CUBN: variants seen among roughly 807,000 people sequenced by gnomAD.
The protein encoded by CUBN is cubilin.
In CUBN, 282 loss-of-function variants were observed where a neutral mutation model predicts 405.3. That is an observed-to-expected ratio of 0.70 (90% CI 0.63 to 0.77). The LOEUF (loss-of-function observed/expected upper bound fraction) is 0.77. Among genes scored for constraint, CUBN ranks in the 30% least tolerant of loss-of-function variants. CUBN has a pLI of 0.00. For missense variants in CUBN, 4,514 were observed against 4,475.2 expected (o/e 1.01, Z -0.25); for synonymous variants, 1,684 against 1,617.0 (o/e 1.04, Z -0.99).
chr10:17,033,298 C>T (rs1198654799), intron 27 of CUBN, among the ~76,000 whole-genome samples: 2 of 152,162 alleles, frequency 1.3e-5, no homozygotes, highest in East Asian at 3.9e-4. Flanking sequence ...TCCTGACCCA[C>T]AAAGGAGCTC....
At chr10:16,935,859 G>A (rs561153980) in intron 39 of CUBN, among the ~76,000 whole-genome samples, 14 of 112,148 alleles carry the variant, frequency 1.2e-4, no homozygotes, top group South Asian at 5.7e-4. Flanking sequence ...CAGCCTGGGC[G>A]ACAGAGCGAG....
intron 3 of CUBN, among the ~76,000 whole-genome samples, chr10:17,127,498 C>T (rs1051056525): frequency 1.5e-5 from 2 of 135,976 alleles, no homozygotes; most frequent in African/African-American, 5.5e-5. Context: ...TGGTCTCAAA[C>T]TCCTAGGCTC....
intron 27 of CUBN, among the ~76,000 whole-genome samples, chr10:17,027,218 G>T (rs1461169415): frequency 1.3e-5 from 2 of 152,132 alleles, no homozygotes; most frequent in East Asian, 3.8e-4. Flanking sequence ...TAACTACAAA[G>T]ATACTTATCT....
At chr10:16,919,871 T>C in intron 44 of CUBN, 92 bp downstream of exon 44, 1 of 1,299,690 alleles carries the variant, frequency 7.7e-7, no homozygotes. Flanking sequence ...CCTTGCAGTA[T>C]GTGCTACTGA....
In CUBN at chr10:16,852,708, A is replaced by G. The variant is rs1037894173; in HGVS notation, c.9455-1265T>C. ...AAAAATCCAGTTTTATACAAAATCA[A>G]GTACTTTGCATAATAAAGCTGGTGG... On this transcript the variant is annotated intron_variant, in intron 59 of 66. Coordinates refer to ENST00000377833, the MANE Select transcript of CUBN (RefSeq NM_001081.4). 2.6e-5 allele frequency among the ~76,000 whole-genome samples: 4 copies of G among 152,356 alleles called. No individual in the cohort carries two copies. The South Asian group carries it at 8.3e-4, about 32-fold the overall frequency.
chr10:16,983,576 G>A (rs7077904), intron 30 of CUBN, among the ~76,000 whole-genome samples: 3,815 of 152,272 alleles, frequency 0.025, 155 homozygotes, highest in African/African-American at 0.087. Flanking sequence ...TAAGCATTCT[G>A]CAAATGTGGC....
chr10:17,098,716 A>T (rs1836431285), intron 14 of CUBN, among the ~76,000 whole-genome samples: 1 of 152,252 alleles, frequency 6.6e-6, no homozygotes, highest in Non-Finnish European at 1.5e-5. Context: ...ATGATGAGTG[A>T]ATTTAACAAT....
At chr10:17,111,604 A>T (rs1285153536) in intron 8 of CUBN, among the ~76,000 whole-genome samples, 1 of 152,232 alleles carries the variant, frequency 6.6e-6, no homozygotes, top group Non-Finnish European at 1.5e-5. Flanking sequence ...ACACATTGAA[A>T]GAATTTTTGT....
intron 4 of CUBN, among the ~76,000 whole-genome samples, chr10:17,124,832 G>T (rs1837136234): frequency 6.6e-6 from 1 of 150,928 alleles, no homozygotes; most frequent in African/African-American, 2.4e-5. Context: ...TCGTTGTTTT[G>T]TTTGTTTGTT....
intron 27 of CUBN, chr10:17,023,753 TAAGA>T (rs1217093015): frequency 2.7e-6 from 1 of 374,632 alleles, no homozygotes; most frequent in East Asian, 7.4e-5. Context: ...TAGTAAAAAC[TAAGA>T]AAGATTGCGA....
At chr10:17,027,399 T>G (rs1834696385) in intron 27 of CUBN, among the ~76,000 whole-genome samples, 1 of 152,200 alleles carries the variant, frequency 6.6e-6, no homozygotes, top group Non-Finnish European at 1.5e-5. Flanking sequence ...TGGGTTAGTA[T>G]GTACTGAATA....
At chr10:17,114,430 GA>G (rs1188946690) in intron 7 of CUBN, among the ~76,000 whole-genome samples, 1 of 152,138 alleles carries the variant, frequency 6.6e-6, no homozygotes, top group African/African-American at 2.4e-5. Context: ...GCCAGGGAAA[GA>G]GTAACAACAA....
chr10:17,114,188 G>A lies in CUBN; in HGVS notation c.722C>T (p.Pro241Leu), dbSNP rs1425715051. Residue 241 changes from proline (P) to leucine (L), a missense_variant and splice_region_variant, in exon 8 of 67, where the codon CCC becomes CTC. Coordinates refer to ENST00000377833, the MANE Select transcript of CUBN (RefSeq NM_001081.4). ...AGCATCACAGACGCAGCTGTACTTG[G>A]GCTGGCAGGATGACAACAGCGTGAA... is the stretch of plus-strand genomic sequence containing the variant. ...EDLMREQAGE[P>L]KYSCVCDAGW... 5 of 1,613,732 alleles carry A rather than the reference G, an allele frequency of 3.1e-6. No individual in the cohort carries two copies. Among genetic ancestry groups the A allele is most frequent in the Admixed American group, 1.7e-5 (1 of 59,976 alleles).
intron 27 of CUBN, among the ~76,000 whole-genome samples, chr10:17,026,959 T>C (rs1337903941): frequency 6.6e-6 from 1 of 152,236 alleles, no homozygotes; most frequent in Non-Finnish European, 1.5e-5. Flanking sequence ...ACTCATAATG[T>C]TGGGCTTTGC....
intron 22 of CUBN, among the ~76,000 whole-genome samples, chr10:17,059,851 A>G (rs909347124): frequency 1.3e-5 from 2 of 152,214 alleles, no homozygotes; most frequent in African/African-American, 4.8e-5. Context: ...GTCCTTGGAT[A>G]TTGAGAATCA....
chr10:16,825,628 AGTGTGTGTGTGTGTGTGTGTGTGT>A (rs377156071), intron 66 of CUBN, among the ~76,000 whole-genome samples: 4 of 135,926 alleles, frequency 2.9e-5, no homozygotes, highest in Non-Finnish European at 6.3e-5. Flanking sequence ...TCTGTGGAAC[AGTGTGTGTGTGTGTGTGTGTGTGT>A]GTGTGTGTGT....
intron 56 of CUBN, among the ~76,000 whole-genome samples, chr10:16,882,286 A>G (rs1463729582): frequency 2.6e-5 from 4 of 152,244 alleles, no homozygotes; most frequent in African/African-American, 9.6e-5. Flanking sequence ...TCTGTCTTCA[A>G]CAAGTGATTT....
chr10:17,054,997 G>A (rs1835359049), intron 22 of CUBN, among the ~76,000 whole-genome samples: 1 of 151,994 alleles, frequency 6.6e-6, no homozygotes. Flanking sequence ...GAAGATTACA[G>A]TTCAGTATGT....
intron 31 of CUBN, among the ~76,000 whole-genome samples, chr10:16,958,451 A>G (rs1306613486): frequency 6.6e-6 from 1 of 152,140 alleles, no homozygotes; most frequent in African/African-American, 2.4e-5. Context: ...GCTTCAACCC[A>G]GGAGGCAGAG....
Sources: gnomAD v4.1 joint callset for allele counts (sites outside exome capture counted in the v4.1 genomes callset) on GRCh38, gnomAD v4.1.1 for gene constraint, MANE v1.5 for transcripts, NCBI Gene and HGNC (gene_info 2026-07-23, HGNC 2026-07-21) for gene names.